Variants in DNAH10 observed in about 807,000 individuals in gnomAD.
DNAH10 encodes the protein dynein axonemal heavy chain 10.
A neutral mutation model predicts 506.6 loss-of-function variants in DNAH10; 348 were observed. That is an observed-to-expected ratio of 0.69 (90% CI 0.63 to 0.75). The LOEUF is 0.75. DNAH10 is among the 30% of genes least tolerant of loss of function. DNAH10 has a pLI of 0.00. For synonymous variants in DNAH10, 2,059 were observed against 2,198.6 expected (o/e 0.94, Z 1.78); for missense variants, 5,179 against 5,787.1 (o/e 0.89, Z 3.41).
Position 123,925,059 on chromosome 12 carries a change from C to G in DNAH10, c.11776C>G (p.Leu3926Val), listed in dbSNP as rs753539377. ...NQTVWQEWYD[L>V]DSLEQFPVPL... The stretch of plus-strand genomic sequence containing the variant: ...TCTTTGCTTTTCCCAGTGGTATGAC[C>G]TGGATTCACTGGAGCAGTTTCCCGT... The change falls in exon 68 of 79, where the codon CTG (leucine) becomes GTG (valine). Residue 3926 changes from leucine (L) to valine (V), a missense_variant. Transcript: ENST00000673944. This position sits in a 1 kb window ranked among gnomAD's most constrained non-coding sequence, Gnocchi z 4.0. The G allele has an allele frequency of 8.7e-6, 14 of 1,613,876 alleles. No individual in the cohort carries two copies. The East Asian group carries it at 2.9e-4, about 33-fold the overall frequency.
rs1391172687 is a variant in DNAH10, at chr12:123,918,605, C to T, written c.11233-71C>T. The T allele has an allele frequency of 9.3e-6, 14 of 1,503,196 alleles. No homozygotes were observed. The South Asian group carries it at 1.6e-4, about 18-fold the overall frequency. The allele number at this position is 1,503,196 out of a possible 1,614,324, so 93.1% of individuals were successfully genotyped here. ...GCATTGTACATACCTCTCTGCTGTC[C>T]CCCTGCCCCTCCTGCCCTCTGCCCA... On this transcript the variant is annotated intron_variant, in intron 64 of 78. Transcript: ENST00000673944.
rs530440081 is a variant in DNAH10 at position 123,850,248 on chromosome 12, G to A, written c.6103-640G>A. 3.8e-4 allele frequency among the ~76,000 whole-genome samples: 58 copies of A among 152,092 alleles called. No individual in the cohort carries two copies. Among genetic ancestry groups the A allele is most frequent in the Non-Finnish European group, 6.9e-4 (47 of 68,018 alleles). ...AAAAAATAAAATAGAAAACTTCACC[G>A]AGAGACGACCGGACTCAACCTTCAG... On this transcript the variant is annotated intron_variant, in intron 34 of 78. Coordinates refer to ENST00000673944, the MANE Select transcript of DNAH10 (RefSeq NM_001372106.1). The surrounding 1 kb of genome is among the most constrained non-coding windows in gnomAD (Gnocchi z 5.5).
intron 5 of DNAH10, among the ~76,000 whole-genome samples, chr12:123,776,226 G>A (rs1471321010): frequency 1.3e-5 from 2 of 152,150 alleles, no homozygotes; most frequent in Non-Finnish European, 2.9e-5. Context: ...GGAGGGAGAA[G>A]CAGACAGTGT....
At position 123,853,915 on chromosome 12, in the gene DNAH10, TACGCAC is replaced by T. The variant is rs1454993998; in HGVS notation, c.6438+570_6438+575del. Among the ~76,000 whole-genome samples the T allele has an allele frequency of 3.8e-4, 55 of 143,722 alleles. No individual in the cohort carries two copies. The Middle Eastern group carries it at 0.021, about 56-fold the overall frequency. The allele number at this position is 143,722 out of a possible 152,430, so 94.3% of individuals were successfully genotyped here. A position where few individuals can be genotyped will look rare whatever the true frequency, so the allele number is the denominator to read the frequency against. On this transcript the variant is annotated intron_variant, in intron 36 of 78. Transcript: ENST00000673944. The surrounding 1 kb of genome is among the most constrained non-coding windows in gnomAD (Gnocchi z 4.7). ...ACACGTACGCACGCACATGTACACA[TACGCAC>T]ACGCACGCACACGCACACGCACACA... is the stretch of plus-strand genomic sequence containing the variant.
chr12:123,767,602 A>G lies in DNAH10; in HGVS notation c.215-4A>G. The G allele has an allele frequency of 1.2e-6, 2 of 1,611,274 alleles. No individual in the cohort carries two copies. Among genetic ancestry groups the G allele is most frequent in the Admixed American group, 1.7e-5 (1 of 59,748 alleles). Reference sequence around the variant, plus strand: ...ATTTTCTTCCCATTTATGTGGCCATAAAGATGAGATACCTGTCCTGTCTGA... The same window carrying G: ...ATTTTCTTCCCATTTATGTGGCCATGAAGATGAGATACCTGTCCTGTCTGA... On this transcript the variant is annotated splice_region_variant and splice_polypyrimidine_tract_variant and intron_variant, in intron 1 of 78. Coordinates refer to ENST00000673944, the MANE Select transcript of DNAH10 (RefSeq NM_001372106.1).
rs757982368 is a variant in DNAH10, at chr12:123,925,141, G to A, written c.11858G>A (p.Cys3953Tyr). 2 of 1,613,914 alleles carry A rather than the reference G, an allele frequency of 1.2e-6. No individual in the cohort carries two copies. The highest frequency in any genetic ancestry group is 2.7e-5 in the African/African-American group (2 of 74,922). The change falls in exon 68 of 79, where the codon TGT becomes TAT. Residue 3953 changes from cysteine to tyrosine, a missense_variant. Transcript: ENST00000673944. This position sits in a 1 kb window ranked among gnomAD's most constrained non-coding sequence, Gnocchi z 4.0. ...TTCCAGAAGTTGCTTATTTTGCGCT[G>A]TTTCCGTGTGGATCGGGTCTATCGG... ...TPFQKLLILR[C>Y]FRVDRVYRAV...
intron 57 of DNAH10, among the ~76,000 whole-genome samples, chr12:123,904,611 C>T (rs1172233616): frequency 1.3e-5 from 2 of 152,112 alleles, no homozygotes; most frequent in African/African-American, 2.4e-5. Context: ...CCCGCTCACC[C>T]CTGAGAAAGC....
intron 36 of DNAH10, 86 bp from the exon 37 acceptor site, chr12:123,856,968 AAG>A (rs1951417652): frequency 1.1e-6 from 1 of 881,420 alleles, no homozygotes; most frequent in African/African-American, 1.7e-5. Flanking sequence ...TATATTTCAT[AAG>A]AGTGTTACCA....
At chr12:123,862,991 A>G (rs1566011091) in intron 39 of DNAH10, among the ~76,000 whole-genome samples, 1 of 152,208 alleles carries the variant, frequency 6.6e-6, no homozygotes, top group Non-Finnish European at 1.5e-5. Context: ...TGAAAGGCAT[A>G]TGGGAGTTCT....
At chr12:123,802,586 G>A (rs113151285) in intron 16 of DNAH10, among the ~76,000 whole-genome samples, 13,334 of 152,182 alleles carry the variant, frequency 0.088, 1,000 homozygotes, top group African/African-American at 0.21. Flanking sequence ...GATTACAGGC[G>A]TGAGCCACCA....
At chr12:123,932,535 T>A (rs1955266324) in intron 76 of DNAH10, 1 of 169,098 alleles carries the variant, frequency 5.9e-6, no homozygotes, top group African/African-American at 2.4e-5. Context: ...TGTATATGAA[T>A]ATGCATAGGG....
At chr12:123,767,491 G>A in intron 1 of DNAH10, 115 bp from the exon 2 acceptor site, 6 of 918,312 alleles carry the variant, frequency 6.5e-6, no homozygotes, top group Non-Finnish European at 1.0e-5. Context: ...AACATAACGA[G>A]TCTCCTGTGG....
At chr12:123,910,926 AC>A (rs1954037962) in intron 59 of DNAH10, among the ~76,000 whole-genome samples, 1 of 152,050 alleles carries the variant, frequency 6.6e-6, no homozygotes, top group Non-Finnish European at 1.5e-5. Context: ...AGATGTTCAG[AC>A]CAGGCGTGGT....
In DNAH10 at chr12:123,842,911, C is replaced by T. The variant is rs376666625; in HGVS notation, c.5360+1366C>T. ...TTAACTAATATTTCTTCAACCCCTG[C>T]TCTGGGCGATTTATTATGCTAGATG... is the stretch of plus-strand genomic sequence containing the variant. On this transcript the variant is annotated intron_variant, in intron 30 of 78. Transcript: ENST00000673944. Among the ~76,000 whole-genome samples, 89 of 152,326 alleles carry T rather than the reference C, an allele frequency of 5.8e-4. 4 individuals carry two copies. The South Asian group carries it at 0.011, about 18-fold the overall frequency.
intron 32 of DNAH10, among the ~76,000 whole-genome samples, chr12:123,847,143 T>TATCCATCCATCCATCC (rs57589181): frequency 2.1e-5 from 3 of 144,816 alleles, no homozygotes; most frequent in Admixed American, 6.9e-5. Flanking sequence ...TCCATCTACA[T>TATCCATCCATCCATCC]ATCCATCCAT....
chr12:123,875,782 T>G (rs1952231284), intron 47 of DNAH10, among the ~76,000 whole-genome samples: 1 of 152,120 alleles, frequency 6.6e-6, no homozygotes, highest in African/African-American at 2.4e-5. Context: ...CATGCCACAT[T>G]GAGTGACAGC....
At chr12:123,863,924 T>A (rs146782459) in intron 39 of DNAH10, among the ~76,000 whole-genome samples, 1 of 152,250 alleles carries the variant, frequency 6.6e-6, no homozygotes, top group African/African-American at 2.4e-5. Context: ...CAGCCTCAGA[T>A]GTAAGAGAAG....
chr12:123,915,147 C>G (rs984374041), intron 62 of DNAH10, 148 bp downstream of exon 62: 2 of 1,149,006 alleles, frequency 1.7e-6, no homozygotes, highest in Non-Finnish European at 2.4e-6. Flanking sequence ...AGCCCTCCCC[C>G]GGCTCCGCCT....
intron 19 of DNAH10, among the ~76,000 whole-genome samples, chr12:123,811,905 G>GCCAGA (rs1958949385): frequency 6.6e-6 from 1 of 152,002 alleles, no homozygotes; most frequent in Non-Finnish European, 1.5e-5. Context: ...CCAAAGTGCT[G>GCCAGA]GGATTACAGG....
Sources: gnomAD v4.1 joint callset for allele counts (sites outside exome capture counted in the v4.1 genomes callset) on GRCh38, gnomAD v4.1.1 for gene constraint, Gnocchi (gnomAD v3.1) non-coding constraint, MANE v1.5 for transcripts, NCBI Gene and HGNC (gene_info 2026-07-23, HGNC 2026-07-21) for gene names.